BLOC1S2: variants seen among roughly 807,000 people sequenced by gnomAD.
BLOC1S2 encodes the protein biogenesis of lysosome-related organelles complex 1 subunit 2.
Under a neutral mutation model 19.6 loss-of-function variants are expected in BLOC1S2, and 12 were observed. The observed-to-expected ratio is 0.61, with a 90% CI of 0.39 to 0.99. BLOC1S2 has a LOEUF of 0.99. Among genes scored for constraint, BLOC1S2 ranks in the 50% least tolerant of loss-of-function variants. The probability of loss-of-function intolerance (pLI) is 0.00; values close to 1 mark genes in which losing one functional copy is unlikely to be tolerated. For synonymous variants in BLOC1S2, 66 were observed against 64.1 expected, an observed-to-expected ratio of 1.03 and a Z score of -0.14; for missense variants, 142 against 171.0, an observed-to-expected ratio of 0.83 and a Z score of 0.95.
In BLOC1S2 at chr10:100,281,017, T is replaced by C; in HGVS notation, c.209A>G (p.Asn70Ser). Reference protein sequence around the residue: ...SEDYKLLENMNKLTSLKYLEM... With the variant: ...SEDYKLLENMSKLTSLKYLEM... ...AAGATACTTCAAGCTGGTGAGTTTA[T>C]TCATATTTTCCAGGAGCTTATAGTC... Residue 70 changes from asparagine (N) to serine (S), a missense_variant, in exon 3 of 5, where the codon AAT becomes AGT. Coordinates refer to ENST00000370372, the MANE Select transcript of BLOC1S2 (RefSeq NM_173809.5). 6.2e-7 allele frequency: 1 copy of C among 1,613,878 alleles called. No individual in the cohort carries two copies. Among genetic ancestry groups the C allele is most frequent in the Non-Finnish European group, 8.5e-7 (1 of 1,179,914 alleles).
chr10:100,277,356 GCCGCC>G, intron 4 of BLOC1S2, among the ~76,000 whole-genome samples: 2 of 150,932 alleles, frequency 1.3e-5, no homozygotes, highest in South Asian at 2.1e-4. Context: ...CGCCCGGCCA[GCCGCC>G]CCGTCCGGGA....
chr10:100,284,887 A>T (rs1473579055), intron 2 of BLOC1S2, among the ~76,000 whole-genome samples: 2 of 152,168 alleles, frequency 1.3e-5, no homozygotes, highest in Non-Finnish European at 2.9e-5. Flanking sequence ...TGGGTGCAAG[A>T]ACATTACAGA....
Position 100,283,028 on chromosome 10 carries a change from A to G in BLOC1S2, c.173-1975T>C, listed in dbSNP as rs939086311. On this transcript the variant is annotated intron_variant, in intron 2 of 4. Coordinates refer to ENST00000370372, the MANE Select transcript of BLOC1S2 (RefSeq NM_173809.5). ...ATCTCTGAGCTCTGGAATCCAATGT[A>G]CAAGTCACCTGAGTTCCCTAGTTAC... 7 of 398,148 alleles carry G rather than the reference A, an allele frequency of 1.8e-5. No homozygotes were observed. In the Admixed American group the frequency reaches 2.6e-4, roughly 15 times the overall value. The allele number at this position is 398,148 out of a possible 1,614,324, so 24.7% of individuals were successfully genotyped here.
At chr10:100,286,324 A>G in intron 1 of BLOC1S2, 111 bp from the exon 2 acceptor site, 1 of 1,491,400 alleles carries the variant, frequency 6.7e-7, no homozygotes, top group Non-Finnish European at 8.9e-7. Flanking sequence ...AGTCGGCTCC[A>G]TTCTCCATCT....
intron 4 of BLOC1S2, 167 bp downstream of exon 4, chr10:100,279,957 G>A: frequency 2.4e-6 from 1 of 420,944 alleles, no homozygotes; most frequent in Non-Finnish European, 4.2e-6. Flanking sequence ...ATATCATTAA[G>A]TAATCAGGAA....
At chr10:100,277,714 C>T (rs1334290782) in intron 4 of BLOC1S2, among the ~76,000 whole-genome samples, 2 of 134,670 alleles carry the variant, frequency 1.5e-5, no homozygotes, top group African/African-American at 5.6e-5. Flanking sequence ...GTGGGGGGCT[C>T]AGCCCCCCGC....
chr10:100,282,050 A>G (rs1848122834), intron 2 of BLOC1S2, among the ~76,000 whole-genome samples: 1 of 152,126 alleles, frequency 6.6e-6, no homozygotes, highest in South Asian at 2.1e-4. Context: ...TATTCTTGCC[A>G]AGACAACCCC....
chr10:100,286,563 AG>A, intron 1 of BLOC1S2, 41 bp downstream of exon 1: 5 of 1,608,834 alleles, frequency 3.1e-6, no homozygotes, highest in Non-Finnish European at 4.2e-6. Context: ...ACGGAGCCCC[AG>A]GCCCCCCACC....
At position 100,275,448 on chromosome 10, in the gene BLOC1S2, T is replaced by C. The variant is rs759388142; in HGVS notation, c.*14A>G. On this transcript the variant is annotated 3_prime_UTR_variant, in exon 5 of 5. Transcript: ENST00000370372. ...ATTAAAAAAAAAAGACTCTGTCCCATAGAAATAAGTTTCTCATCGCTTCTC... is the reference window on the plus strand; with the variant it reads ...ATTAAAAAAAAAAGACTCTGTCCCACAGAAATAAGTTTCTCATCGCTTCTC... 3 of 1,602,270 alleles carry C rather than the reference T, an allele frequency of 1.9e-6. No individual in the cohort carries two copies. The South Asian group carries it at 3.4e-5, about 18-fold the overall frequency.
chr10:100,286,417 C>CGGCACCCCCGCTCATCCT, intron 1 of BLOC1S2, 188 bp downstream of exon 1: 1 of 1,464,236 alleles, frequency 6.8e-7, no homozygotes, highest in Non-Finnish European at 9.1e-7. Flanking sequence ...CGCCCATACC[C>CGGCACCCCCGCTCATCCT]GGCACCCCCG....
intron 2 of BLOC1S2, among the ~76,000 whole-genome samples, chr10:100,281,705 T>TATATATACACACACAC (rs1370530311): frequency 1.4e-5 from 1 of 69,824 alleles, no homozygotes; most frequent in Non-Finnish European, 3.5e-5. Flanking sequence ...TATATATATA[T>TATATATACACACACAC]ACACATACAC....
chr10:100,283,354 G>C (rs889642641), intron 2 of BLOC1S2, among the ~76,000 whole-genome samples: 3 of 152,082 alleles, frequency 2.0e-5, no homozygotes, highest in African/African-American at 7.2e-5. Flanking sequence ...TAGGGGAAAA[G>C]ACAAGACTAC....
intron 4 of BLOC1S2, among the ~76,000 whole-genome samples, chr10:100,275,767 G>A (rs759107082): frequency 1.1e-4 from 16 of 151,186 alleles, no homozygotes; most frequent in Non-Finnish European, 2.2e-4. Flanking sequence ...ACCAGGATGG[G>A]GCACATCTGT....
intron 4 of BLOC1S2, among the ~76,000 whole-genome samples, chr10:100,278,203 G>A (rs1847991044): frequency 6.7e-6 from 1 of 149,702 alleles, no homozygotes; most frequent in South Asian, 2.1e-4. Context: ...CGTCCGGGAG[G>A]GAGGTGGGGG....
In BLOC1S2 at chr10:100,275,245, G is replaced by A. The variant is rs889034358; in HGVS notation, c.*217C>T. On this transcript the variant is annotated 3_prime_UTR_variant, in exon 5 of 5. Transcript: ENST00000370372. ...GGCAAAGCATTCAAGTAAAAGGTAG[G>A]AAGTTATAAGTGTGAGATTCTGAGG... 1 of 479,708 alleles carries A rather than the reference G, an allele frequency of 2.1e-6. No individual in the cohort carries two copies. The highest frequency in any genetic ancestry group is 3.7e-6 in the Non-Finnish European group (1 of 269,064). The allele number at this position is 479,708 out of a possible 1,614,324, so 29.7% of individuals were successfully genotyped here. A position where few individuals can be genotyped will look rare whatever the true frequency, so the allele number is the denominator to read the frequency against.
intron 4 of BLOC1S2, among the ~76,000 whole-genome samples, chr10:100,277,536 T>G (rs1232319554): frequency 6.7e-5 from 3 of 44,964 alleles, no homozygotes; most frequent in Admixed American, 4.1e-4. Context: ...TGGCCAGCTG[T>G]CCCGTCCGGG....
chr10:100,280,510 T>C (rs1848076667), intron 3 of BLOC1S2, among the ~76,000 whole-genome samples: 1 of 152,220 alleles, frequency 6.6e-6, no homozygotes, highest in Non-Finnish European at 1.5e-5. Context: ...TTCTGTTTCT[T>C]GGGTACTCCC....
intron 4 of BLOC1S2, among the ~76,000 whole-genome samples, chr10:100,279,549 A>G (rs1012089708): frequency 3.9e-5 from 6 of 152,162 alleles, no homozygotes; most frequent in Non-Finnish European, 7.3e-5. Flanking sequence ...CCTGGCCAAC[A>G]TGGTGAAACC....
At chr10:100,277,813 G>A (rs1418740977) in intron 4 of BLOC1S2, among the ~76,000 whole-genome samples, 2 of 128,302 alleles carry the variant, frequency 1.6e-5, no homozygotes, top group East Asian at 2.5e-4. Flanking sequence ...CCGGCCAGCC[G>A]CCCCGTCCGG....
Sources: allele counts gnomAD v4.1 joint callset (sites outside exome capture counted in the v4.1 genomes callset), GRCh38; gene constraint gnomAD v4.1.1; transcripts MANE v1.5; gene names NCBI Gene and HGNC (gene_info 2026-07-23, HGNC 2026-07-21).